The following OS9 variants were observed in gnomAD, a reference collection of about 807,000 sequenced individuals.
OS9 encodes OS9 endoplasmic reticulum lectin.
Under a neutral mutation model 84.7 loss-of-function variants are expected in OS9, and 58 were observed. The ratio of observed to expected loss-of-function variants is 0.68; its 90% CI spans 0.55 to 0.85. OS9 has a LOEUF of 0.85. Among genes scored for constraint, OS9 ranks in the 40% least tolerant of loss-of-function variants. The pLI is 0.00. For missense variants in OS9, 760 were observed against 850.9 expected, an observed-to-expected ratio of 0.89 and a Z score of 1.33; for synonymous variants, 278 against 320.8, an observed-to-expected ratio of 0.87 and a Z score of 1.43.
intron 2 of OS9, chr12:57,695,577 T>C: frequency 1.4e-6 from 1 of 704,668 alleles, no homozygotes; most frequent in Non-Finnish European, 2.6e-6. Flanking sequence ...GAAAACAGAC[T>C]TTAGAGATAT....
At chr12:57,710,418 G>A (rs1022766070) in intron 5 of OS9, among the ~76,000 whole-genome samples, 1 of 152,084 alleles carries the variant, frequency 6.6e-6, no homozygotes, top group African/African-American at 2.4e-5. Flanking sequence ...AGGTTAGTCA[G>A]TTTTACTAGT....
Position 57,694,895 on chromosome 12 carries a change from GC to G in OS9, c.311del (p.Pro104GlnfsTer2). 6.2e-7 allele frequency: 1 copy of G among 1,614,174 alleles called. No individual in the cohort carries two copies. The highest frequency in any genetic ancestry group is 1.1e-5 in the South Asian group (1 of 91,084). Reference sequence around the variant, plus strand: ...GGGCCTGGGATCCCTGAGTTGTTGAGCCCAATGAGAGATGCTCCCTGCTTGC... The same window carrying G: ...GGGCCTGGGATCCCTGAGTTGTTGAGCCAATGAGAGATGCTCCCTGCTTGC... ...YQGPGIPELL[S>X]PMRDAPCLLK... On this transcript the variant is annotated frameshift_variant, in exon 2 of 15. Transcript: ENST00000315970. LOFTEE classifies it high-confidence loss of function.
At chr12:57,703,492 C>T (rs749835125) in intron 5 of OS9, among the ~76,000 whole-genome samples, 26 of 152,154 alleles carry the variant, frequency 1.7e-4, no homozygotes, top group Admixed American at 3.3e-4. Flanking sequence ...TTCCTGGCAT[C>T]GTTTGTTGAA....
Position 57,695,823 on chromosome 12 carries a change from T to A in OS9, c.383T>A (p.Ile128Asn). Residue 128 changes from isoleucine to asparagine, a missense_variant, in exon 3 of 15, where the codon ATC (isoleucine) becomes AAC (asparagine). By Grantham distance (149) the Ile-to-Asn change is moderately radical (BLOSUM62 -3). Coordinates refer to ENST00000315970, the MANE Select transcript of OS9 (RefSeq NM_006812.4). ...TATGAATTCTGTTATGGACGCCACA[T>A]CCAGCAATACCACATGGAAGGTAAC... ...WTYEFCYGRH[I>N]QQYHMEDSEI... is the part of the protein sequence containing the mutation. The A allele has an allele frequency of 6.2e-7, 1 of 1,612,070 alleles. No homozygotes were observed. The highest frequency in any genetic ancestry group is 8.5e-7 in the Non-Finnish European group (1 of 1,178,110).
intron 10 of OS9, 35 bp from the exon 11 acceptor site, chr12:57,718,111 C>G: frequency 6.2e-7 from 1 of 1,600,764 alleles, no homozygotes. Context: ...TGTTGAAACC[C>G]CAACTGTCTT....
rs372618033 is a variant in OS9 at position 57,720,262 on chromosome 12, A to G, written c.1764A>G (p.Ala588=). 4.3e-6 allele frequency: 7 copies of G among 1,613,710 alleles called. No homozygotes were observed. Among genetic ancestry groups the G allele is most frequent in the Non-Finnish European group, 5.1e-6 (6 of 1,179,922 alleles). Residue 588 remains alanine (A), a splice_region_variant and synonymous_variant, in exon 13 of 15, where the codon GCA becomes GCG. Coordinates refer to ENST00000315970, the MANE Select transcript of OS9 (RefSeq NM_006812.4). The part of the protein sequence containing the change: ...ELLEREGLTA[A]GKIEIKIVRP... ...TGGAGAGGGAGGGACTCACAGCTGCAGGTGGGCCCTGGAGGGCGGCTGGAC... is the reference window on the plus strand; with the variant it reads ...TGGAGAGGGAGGGACTCACAGCTGCGGGTGGGCCCTGGAGGGCGGCTGGAC...
rs142762806 is a variant in OS9, at chr12:57,711,512, A to G, written c.580-4248A>G. On this transcript the variant is annotated intron_variant, in intron 5 of 14. Transcript: ENST00000315970. ...CAGGTGTGCGCCACCACACCCAGCT[A>G]ATTTTTGTATTGTTAGTAGAGATGG... Among the ~76,000 whole-genome samples the G allele has an allele frequency of 7.9e-3, 1,200 of 151,998 alleles. 10 individuals carry two copies. The highest frequency in any genetic ancestry group is 0.028 in the African/African-American group (1,142 of 41,460).
chr12:57,715,689 GA>G, intron 5 of OS9, 70 bp from the exon 6 acceptor site: 1 of 1,107,626 alleles, frequency 9.0e-7, no homozygotes, highest in Non-Finnish European at 1.3e-6. Flanking sequence ...CTTAGTAAAA[GA>G]CACCTGCTCT....
At chr12:57,717,332 A>G (rs1433848214) in intron 9 of OS9, among the ~76,000 whole-genome samples, 1 of 152,212 alleles carries the variant, frequency 6.6e-6, no homozygotes, top group Non-Finnish European at 1.5e-5. Context: ...GGCAGGGACC[A>G]TGTCCTTCCT....
rs945587258 is a variant in OS9, at chr12:57,720,509, C to T, written c.1869C>T (p.Phe623=). 3 of 1,608,230 alleles carry T rather than the reference C, an allele frequency of 1.9e-6. No homozygotes were observed. The highest frequency in any genetic ancestry group is 2.6e-6 in the Non-Finnish European group (3 of 1,174,660). Residue 623 remains phenylalanine (F), a synonymous_variant, in exon 14 of 15, where the codon TTC becomes TTT. Coordinates refer to ENST00000315970, the MANE Select transcript of OS9 (RefSeq NM_006812.4). The part of the protein sequence containing the change: ...EDTRNLKEIF[F]NILVPGAEEA... ...CGAGAAACCTCAAGGAGATCTTCTT[C>T]AATATCTTGGTAAGAGGCTTCTACC... is the stretch of plus-strand genomic sequence containing the variant.
chr12:57,695,003 G>A (rs749743009), intron 2 of OS9, 77 bp downstream of exon 2: 28 of 1,351,618 alleles, frequency 2.1e-5, no homozygotes, highest in Non-Finnish European at 2.7e-5. Context: ...CACTGAATGA[G>A]GCAGGATCTA....
intron 5 of OS9, among the ~76,000 whole-genome samples, chr12:57,709,606 C>T (rs1024944139): frequency 2.0e-5 from 3 of 152,192 alleles, no homozygotes; most frequent in Non-Finnish European, 4.4e-5. Context: ...AGATGCTCAC[C>T]GTATTGTTCA....
At position 57,720,996 on chromosome 12, in the gene OS9, T is replaced by C; in HGVS notation, c.*87T>C. The C allele has an allele frequency of 6.7e-7, 1 of 1,494,312 alleles. No homozygotes were observed. The highest frequency in any genetic ancestry group is 1.2e-5 in the South Asian group (1 of 86,058). The allele number at this position is 1,494,312 out of a possible 1,614,324, so 92.6% of individuals were successfully genotyped here. A position where few individuals can be genotyped will look rare whatever the true frequency, so the allele number is the denominator to read the frequency against. On this transcript the variant is annotated 3_prime_UTR_variant, in exon 15 of 15. Coordinates refer to ENST00000315970, the MANE Select transcript of OS9 (RefSeq NM_006812.4). ...CCCCACCTCCCCACCCTGGAACCCC[T>C]GAGGGCCAAACAGCAGAGTGGAGCT...
intron 5 of OS9, among the ~76,000 whole-genome samples, chr12:57,704,438 G>A (rs1954109854): frequency 6.6e-6 from 1 of 151,976 alleles, no homozygotes; most frequent in African/African-American, 2.4e-5. Context: ...TCGGGAAACC[G>A]AGACAGGAGA....
In OS9 at chr12:57,720,772, C is replaced by T. The variant is rs776029192; in HGVS notation, c.1879-12C>T. 8 of 1,596,250 alleles carry T rather than the reference C, an allele frequency of 5.0e-6. No homozygotes were observed. The highest frequency in any genetic ancestry group is 6.0e-6 in the Non-Finnish European group (7 of 1,171,140). On this transcript the variant is annotated splice_polypyrimidine_tract_variant and intron_variant, in intron 14 of 14. Coordinates refer to ENST00000315970, the MANE Select transcript of OS9 (RefSeq NM_006812.4). ...CCAGTAGCTCCAGCCCACCTCTACC[C>T]TCTCCCACCAGGTGCCGGGAGCTGA...
Position 57,721,067 on chromosome 12 carries a change from G to T in OS9, c.*158G>T, listed in dbSNP as rs1954667269. The T allele has an allele frequency of 7.8e-6, 6 of 773,588 alleles. No individual in the cohort carries two copies. In the South Asian group the frequency reaches 1.0e-4, roughly 14 times the overall value. 47.9% of individuals were successfully genotyped at this position (773,588 alleles called of 1,614,324 possible). A position where few individuals can be genotyped will look rare whatever the true frequency, so the allele number is the denominator to read the frequency against. On this transcript the variant is annotated 3_prime_UTR_variant, in exon 15 of 15. Transcript: ENST00000315970. The stretch of plus-strand genomic sequence containing the variant: ...AACTCTGTGGGTGTGGGGGCCCTGG[G>T]TGAATGCTGCTGCCCCTGCTGGCAG...
intron 5 of OS9, among the ~76,000 whole-genome samples, chr12:57,706,256 G>C (rs1954163158): frequency 6.6e-6 from 1 of 151,960 alleles, no homozygotes; most frequent in Non-Finnish European, 1.5e-5. Context: ...TGTCTATTGA[G>C]ATAGTCATAT....
chr12:57,714,457 G>A (rs1449715600), intron 5 of OS9, among the ~76,000 whole-genome samples: 14 of 152,068 alleles, frequency 9.2e-5, no homozygotes, highest in African/African-American at 1.2e-4. Context: ...CACCTGCCTC[G>A]GCCTCCCAAA....
In OS9 at chr12:57,715,880, C is replaced by G; in HGVS notation, c.700C>G (p.Arg234Gly). The G allele has an allele frequency of 6.2e-7, 1 of 1,613,588 alleles. No individual in the cohort carries two copies. Among genetic ancestry groups the G allele is most frequent in the Non-Finnish European group, 8.5e-7 (1 of 1,179,740 alleles). The change falls in exon 6 of 15, where the codon CGG becomes GGG. Residue 234 changes from arginine to glycine, a missense_variant. By Grantham distance (125) the Arg-to-Gly change is moderately radical (BLOSUM62 -2). Transcript: ENST00000315970. ...TCGGCTCTGCCCCCACCCTCTCCTCCGGCCCCCACCCAGTGCTGCACCGCA... is the reference window on the plus strand; with the variant it reads ...TCGGCTCTGCCCCCACCCTCTCCTCGGGCCCCCACCCAGTGCTGCACCGCA... ...TPRLCPHPLL[R>G]PPPSAAPQAI... is the part of the protein sequence containing the mutation.
Sources: allele counts gnomAD v4.1 joint callset (sites outside exome capture counted in the v4.1 genomes callset), GRCh38; gene constraint gnomAD v4.1.1; transcripts MANE v1.5; gene names NCBI Gene and HGNC (gene_info 2026-07-23, HGNC 2026-07-21).